LIPI: variants seen among roughly 807,000 people sequenced by gnomAD.
LIPI encodes the protein lipase I, also known as lipase member I.
A neutral mutation model predicts 50.6 loss-of-function variants in LIPI; 59 were observed. That is an observed-to-expected ratio of 1.16 (90% confidence interval 0.94 to 1.45). The LOEUF is 1.45. Among genes scored for constraint, LIPI ranks in the 40% most tolerant of loss-of-function variants. The pLI, the probability that LIPI is intolerant of heterozygous loss-of-function variation, is 0.00. For missense variants in LIPI, 586 were observed against 536.3 expected (o/e 1.09, Z -0.92); for synonymous variants, 203 against 178.2 (o/e 1.14, Z -1.11).
chr21:14,134,145 C>A (rs908592748), intron 9 of LIPI, among the ~76,000 whole-genome samples: 2 of 152,068 alleles, frequency 1.3e-5, no homozygotes, highest in Non-Finnish European at 2.9e-5. Context: ...GTGGGAGGAT[C>A]ACTTGGGCCC....
chr21:14,198,496 A>T (rs2019939221), intron 1 of LIPI, among the ~76,000 whole-genome samples: 1 of 152,220 alleles, frequency 6.6e-6, no homozygotes, highest in Admixed American at 6.6e-5. Context: ...ACAGATTTTA[A>T]ACCAACAAAG....
chr21:14,189,331 C>CCG lies in LIPI; in HGVS notation c.134_135insCG (p.Met46GlyfsTer2). On this transcript the variant is annotated frameshift_variant, in exon 2 of 10. Coordinates refer to ENST00000681601, the MANE Select transcript of LIPI (RefSeq NM_001302998.2). LOFTEE classifies it high-confidence loss of function. ...TTAGGTTGTTCCTTGTATACATCAT[C>CCG]AGAATGGTCTCTATTCTCGGAATAA... is the stretch of plus-strand genomic sequence containing the variant. 6.2e-7 allele frequency: 1 copy of CCG among 1,612,788 alleles called. No individual in the cohort carries two copies. Among genetic ancestry groups the CCG allele is most frequent in the Middle Eastern group, 1.7e-4 (1 of 6,058 alleles).
At chr21:14,170,364 T>A (rs989698246) in intron 4 of LIPI, among the ~76,000 whole-genome samples, 3 of 152,194 alleles carry the variant, frequency 2.0e-5, no homozygotes, top group Non-Finnish European at 4.4e-5. Flanking sequence ...ACTCATTTTA[T>A]GAGGCCAGCA....
chr21:14,169,690 A>C (rs1322396221), intron 4 of LIPI, among the ~76,000 whole-genome samples: 2 of 152,224 alleles, frequency 1.3e-5, no homozygotes. Flanking sequence ...AACATACCAG[A>C]ATCCCTGGGA....
intron 7 of LIPI, among the ~76,000 whole-genome samples, chr21:14,159,823 A>G (rs2018400988): frequency 6.6e-6 from 1 of 151,448 alleles, no homozygotes; most frequent in Admixed American, 6.6e-5. Context: ...AAAAGATGCG[A>G]TCTCATTACT....
chr21:14,168,824 C>T (rs2018787729), intron 4 of LIPI, among the ~76,000 whole-genome samples: 1 of 152,070 alleles, frequency 6.6e-6, no homozygotes, highest in South Asian at 2.1e-4. Context: ...GCAAAATAAC[C>T]AGCTAACATA....
chr21:14,153,472 A>G (rs1404362693), intron 7 of LIPI, among the ~76,000 whole-genome samples: 1 of 152,214 alleles, frequency 6.6e-6, no homozygotes, highest in African/African-American at 2.4e-5. Flanking sequence ...TATTTCTGAC[A>G]GCACAGAATA....
At chr21:14,202,284 T>C (rs957864742) in intron 1 of LIPI, among the ~76,000 whole-genome samples, 30 of 152,246 alleles carry the variant, frequency 2.0e-4, no homozygotes, top group African/African-American at 5.8e-4. Context: ...TTCAATGCCA[T>C]CCCCATCAAG....
At chr21:14,206,787 T>C (rs1183008934) in intron 1 of LIPI, 5 of 1,314,560 alleles carry the variant, frequency 3.8e-6, no homozygotes, top group Non-Finnish European at 5.5e-6. Context: ...ATTTTATATA[T>C]GAAGAAAGTG....
intron 6 of LIPI, among the ~76,000 whole-genome samples, chr21:14,163,771 C>A (rs2018578397): frequency 6.6e-6 from 1 of 151,938 alleles, no homozygotes; most frequent in Admixed American, 6.6e-5. Flanking sequence ...TTAGCATACT[C>A]CATCCGTATG....
At chr21:14,209,645 A>T (rs1461076381) in intron 1 of LIPI, among the ~76,000 whole-genome samples, 1 of 152,166 alleles carries the variant, frequency 6.6e-6, no homozygotes, top group Admixed American at 6.5e-5. Flanking sequence ...AAACATACAA[A>T]GCAATTATGT....
chr21:14,131,711 A>G (rs2017302649), intron 9 of LIPI, among the ~76,000 whole-genome samples: 1 of 152,210 alleles, frequency 6.6e-6, no homozygotes, highest in Non-Finnish European at 1.5e-5. Flanking sequence ...AATAGATCCC[A>G]ACCAGAAAGA....
chr21:14,206,711 A>T, intron 1 of LIPI: 1 of 713,820 alleles, frequency 1.4e-6, no homozygotes, highest in East Asian at 2.8e-5. Flanking sequence ...ACATGATAAT[A>T]GTTTATATTC....
At chr21:14,114,558 G>C (rs1568828459) in intron 9 of LIPI, among the ~76,000 whole-genome samples, 1 of 152,206 alleles carries the variant, frequency 6.6e-6, no homozygotes, top group Non-Finnish European at 1.5e-5. Flanking sequence ...TCCAGCAGCT[G>C]CCTCTGGAGG....
At chr21:14,157,760 A>G (rs1465993019) in intron 7 of LIPI, among the ~76,000 whole-genome samples, 1 of 151,976 alleles carries the variant, frequency 6.6e-6, no homozygotes, top group Non-Finnish European at 1.5e-5. Context: ...CATGAACCAC[A>G]GAGAATTATT....
intron 7 of LIPI, among the ~76,000 whole-genome samples, chr21:14,158,028 A>G (rs2018332018): frequency 6.6e-6 from 1 of 151,844 alleles, no homozygotes; most frequent in East Asian, 1.9e-4. Context: ...TTAGGCAACA[A>G]GATTTAGAAC....
intron 9 of LIPI, among the ~76,000 whole-genome samples, chr21:14,141,638 TTTG>T (rs141369400): frequency 0.83 from 126,235 of 151,902 alleles, 52,756 homozygotes; most frequent in East Asian, 0.94. Context: ...TTGTTGTTGT[TTTG>T]TTGTGTTTTT....
At chr21:14,118,219 A>G (rs977283617) in intron 9 of LIPI, among the ~76,000 whole-genome samples, 13 of 152,036 alleles carry the variant, frequency 8.6e-5, no homozygotes. Context: ...GAAGACTGAG[A>G]CAGATCGGGC....
intron 9 of LIPI, among the ~76,000 whole-genome samples, chr21:14,125,373 A>T (rs1410478854): frequency 6.6e-6 from 1 of 152,212 alleles, no homozygotes; most frequent in Non-Finnish European, 1.5e-5. Context: ...AAAGTTATAA[A>T]CCCTAAATAA....
Sources: allele counts gnomAD v4.1 joint callset (sites outside exome capture counted in the v4.1 genomes callset), GRCh38; gene constraint gnomAD v4.1.1; transcripts MANE v1.5; gene names NCBI Gene and HGNC (gene_info 2026-07-23, HGNC 2026-07-21).